The following DLG2 variants were observed in gnomAD, a reference collection of about 807,000 sequenced individuals.
DLG2 encodes the protein discs large MAGUK scaffold protein 2.
DLG2 carries 45 observed loss-of-function variants against 132.5 expected under a neutral mutation model. That is an observed-to-expected ratio of 0.34 (90% CI 0.27 to 0.44). DLG2 has a LOEUF of 0.44. DLG2 is among the 20% of genes least tolerant of loss of function. The probability of loss-of-function intolerance (pLI) is 1.00; values close to 1 mark genes in which losing one functional copy is unlikely to be tolerated. For missense variants in DLG2, 1,045 were observed against 1,196.9 expected (o/e 0.87, Z 1.87); for synonymous variants, 424 against 419.6 (o/e 1.01, Z -0.13).
At chr11:84,100,255 C>A (rs61135069) in intron 9 of DLG2, among the ~76,000 whole-genome samples, 5 of 8 alleles carry the variant, frequency 0.62, 2 homozygotes, top group African/African-American at 0.75. Context: ...ATATCTAAAG[C>A]GATATATATA....
chr11:83,623,572 T>C (rs779323900), intron 19 of DLG2, among the ~76,000 whole-genome samples: 32 of 152,250 alleles, frequency 2.1e-4, no homozygotes, highest in Non-Finnish European at 4.0e-4. Context: ...AGAGCTGTTC[T>C]GTGTGTGGTC....
intron 8 of DLG2, among the ~76,000 whole-genome samples, chr11:84,174,014 C>CTTTTTTTTTTTTCTTTTTTTTT (rs2095882293): frequency 1.6e-5 from 1 of 61,218 alleles, no homozygotes; most frequent in Non-Finnish European, 2.9e-5. Context: ...ACCCCCCGGC[C>CTTTTTTTTTTTTCTTTTTTTTT]TTTTTTTTTT....
At chr11:85,148,932 A>G (rs756913453) in intron 5 of DLG2, among the ~76,000 whole-genome samples, 3 of 152,154 alleles carry the variant, frequency 2.0e-5, no homozygotes, top group Admixed American at 6.6e-5. Context: ...TGTATAAAGT[A>G]TAAGGAAGGG....
chr11:84,613,852 G>A (rs2099599592), intron 6 of DLG2, among the ~76,000 whole-genome samples: 1 of 152,132 alleles, frequency 6.6e-6, no homozygotes, highest in Admixed American at 6.6e-5. Flanking sequence ...ACTCACATCA[G>A]AAAGTACATT....
At chr11:84,320,177 C>T (rs1415125009) in intron 7 of DLG2, among the ~76,000 whole-genome samples, 1 of 152,142 alleles carries the variant, frequency 6.6e-6, no homozygotes, top group Non-Finnish European at 1.5e-5. Flanking sequence ...AGAGCAATGC[C>T]TAGATGAGAT....
intron 2 of DLG2, among the ~76,000 whole-genome samples, chr11:85,614,898 A>G (rs2153275343): frequency 6.6e-6 from 1 of 152,362 alleles, no homozygotes; most frequent in Admixed American, 6.5e-5. Context: ...ATGCTGATCT[A>G]TCTGCCACCA....
At chr11:85,342,091 C>G (rs986806252) in intron 3 of DLG2, among the ~76,000 whole-genome samples, 1 of 152,158 alleles carries the variant, frequency 6.6e-6, no homozygotes, top group Non-Finnish European at 1.5e-5. Flanking sequence ...TATAAACACT[C>G]TAAACTTTGG....
intron 19 of DLG2, chr11:83,631,985 T>G (rs992326490): frequency 1.3e-5 from 2 of 152,216 alleles, no homozygotes; most frequent in Admixed American, 1.3e-4. Flanking sequence ...AGGGTGGTTC[T>G]GAACAGTCAC....
chr11:85,158,236 T>C (rs1277833134), intron 4 of DLG2, among the ~76,000 whole-genome samples: 2 of 152,128 alleles, frequency 1.3e-5, no homozygotes, highest in African/African-American at 2.4e-5. Context: ...GGAAGGAACA[T>C]AGAACTGGAT....
intron 6 of DLG2, among the ~76,000 whole-genome samples, chr11:84,718,526 C>T (rs1463696131): frequency 6.6e-6 from 1 of 152,074 alleles, no homozygotes; most frequent in South Asian, 2.1e-4. Context: ...TGTAAATGAA[C>T]TTGAAGGGTC....
At chr11:84,617,638 C>T (rs904893789) in intron 6 of DLG2, among the ~76,000 whole-genome samples, 1 of 152,138 alleles carries the variant, frequency 6.6e-6, no homozygotes, top group Non-Finnish European at 1.5e-5. Context: ...ACATCCTCTC[C>T]AGCATCTGTT....
chr11:84,911,931 A>C (rs1720894164), intron 6 of DLG2, among the ~76,000 whole-genome samples: 1 of 152,118 alleles, frequency 6.6e-6, no homozygotes, highest in African/African-American at 2.4e-5. Context: ...CCGATACTGC[A>C]GTTAATTTTT....
At chr11:83,743,981 C>G (rs1224834179) in intron 18 of DLG2, among the ~76,000 whole-genome samples, 1 of 152,142 alleles carries the variant, frequency 6.6e-6, no homozygotes, top group Non-Finnish European at 1.5e-5. Context: ...TGAAAAACTA[C>G]ATTTCTCAGA....
chr11:85,146,999 G>A (rs185187703), intron 5 of DLG2, among the ~76,000 whole-genome samples: 174 of 152,254 alleles, frequency 1.1e-3, no homozygotes, highest in African/African-American at 4.1e-3. Flanking sequence ...TGCTGTGAGA[G>A]GGCAGAATTG....
intron 4 of DLG2, among the ~76,000 whole-genome samples, chr11:85,225,241 G>C (rs936288328): frequency 2.0e-5 from 3 of 152,030 alleles, no homozygotes; most frequent in African/African-American, 7.2e-5. Flanking sequence ...GCACTGCCCA[G>C]CAATCCTTTC....
At chr11:83,525,961 G>A (rs1592496154) in intron 21 of DLG2, among the ~76,000 whole-genome samples, 1 of 135,838 alleles carries the variant, frequency 7.4e-6, no homozygotes, top group East Asian at 2.2e-4. Context: ...AGCTCTTTGT[G>A]TGTCCTAGAG....
At chr11:84,002,817 A>C (rs12795168) in intron 11 of DLG2, among the ~76,000 whole-genome samples, 3,371 of 152,272 alleles carry the variant, frequency 0.022, 68 homozygotes, top group Middle Eastern at 0.034. Context: ...GTTCATTATG[A>C]AAATTTCTGC....
At chr11:85,148,220 G>A (rs1032058723) in intron 5 of DLG2, among the ~76,000 whole-genome samples, 1 of 152,118 alleles carries the variant, frequency 6.6e-6, no homozygotes, top group African/African-American at 2.4e-5. Context: ...ACATACATGT[G>A]CATGTATCTT....
At chr11:83,629,276 A>G (rs1297061658) in intron 19 of DLG2, among the ~76,000 whole-genome samples, 2 of 152,194 alleles carry the variant, frequency 1.3e-5, no homozygotes, top group Non-Finnish European at 1.5e-5. Flanking sequence ...CACATAATAT[A>G]CACTCAAAAA....
Sources: allele counts gnomAD v4.1 joint callset (sites outside exome capture counted in the v4.1 genomes callset), GRCh38; gene constraint gnomAD v4.1.1; transcripts MANE v1.5; gene names NCBI Gene and HGNC (gene_info 2026-07-23, HGNC 2026-07-21).